TAS2R1: variants seen among roughly 807,000 people sequenced by gnomAD.
The protein encoded by TAS2R1 is taste receptor type 2 member 1.
For synonymous variants in TAS2R1, 141 were observed against 134.2 expected, an observed-to-expected ratio of 1.05 and a Z score of -0.35; for missense variants, 370 against 353.4, an observed-to-expected ratio of 1.05 and a Z score of -0.38.
At chr5:9,900,518 G>T in the TAS2R1 span, among the ~76,000 whole-genome samples, 2 of 151,906 alleles carry the variant, frequency 1.3e-5, no homozygotes, top group African/African-American at 2.4e-5. Flanking sequence ...GAAACATCCC[G>T]CCAGTGGGGC....
In TAS2R1 at chr5:9,629,029, T is replaced by A. The variant is rs1230208660; in HGVS notation, c.*104A>T. The A allele has an allele frequency of 2.5e-6, 3 of 1,197,482 alleles. No individual in the cohort carries two copies. The African/African-American group carries it at 4.5e-5, about 18-fold the overall frequency. The allele number at this position is 1,197,482 out of a possible 1,614,324, so 74.2% of individuals were successfully genotyped here. ...TGGATAAACAGGCCTGAAGGGGACA[T>A]GTTGTATATTTATGAACAGGCTGCT... On this transcript the variant is annotated 3_prime_UTR_variant, in exon 1 of 1. Coordinates refer to ENST00000382492, the MANE Select transcript of TAS2R1 (RefSeq NM_019599.3).
At chr5:9,708,653 CTT>C (rs1041655461) in intron 1 of TAS2R1, among the ~76,000 whole-genome samples, 15 of 151,826 alleles carry the variant, frequency 9.9e-5, no homozygotes, top group African/African-American at 3.4e-4. Context: ...CGCCCTCTTC[CTT>C]TCATAGTTTT....
the TAS2R1 span, among the ~76,000 whole-genome samples, chr5:9,818,863 G>C: frequency 6.6e-6 from 1 of 152,158 alleles, no homozygotes; most frequent in African/African-American, 2.4e-5. Flanking sequence ...CCGCCACACA[G>C]CCCCAACAAC....
chr5:9,894,436 C>A, the TAS2R1 span, among the ~76,000 whole-genome samples: 3 of 144,954 alleles, frequency 2.1e-5, no homozygotes, highest in Non-Finnish European at 4.6e-5. Flanking sequence ...TTTGGACACA[C>A]AAACAGAGGC....
At chr5:9,777,243 T>G in the TAS2R1 span, among the ~76,000 whole-genome samples, 1 of 152,216 alleles carries the variant, frequency 6.6e-6, no homozygotes, top group Non-Finnish European at 1.5e-5. Context: ...CCAGAGAACC[T>G]CTTTCAAAAT....
chr5:9,712,060 G>A (rs1734692984), intron 1 of TAS2R1: 1 of 139,340 alleles, frequency 7.2e-6, no homozygotes, highest in South Asian at 2.6e-4. Flanking sequence ...GGGAGGGAGG[G>A]AATAGAAAGT....
the TAS2R1 span, among the ~76,000 whole-genome samples, chr5:9,823,081 A>C: frequency 0.064 from 9,617 of 151,158 alleles, 365 homozygotes; most frequent in East Asian, 0.19. Flanking sequence ...TCCAGGACTT[A>C]TGTTTTTCAA....
chr5:9,639,291 C>T (rs570760999), intron 2 of TAS2R1, among the ~76,000 whole-genome samples: 22 of 152,268 alleles, frequency 1.4e-4, no homozygotes, highest in African/African-American at 4.6e-4. Flanking sequence ...GGAGTGCATG[C>T]AAGGTACTAC....
chr5:9,854,041 T>C, the TAS2R1 span, among the ~76,000 whole-genome samples: 4 of 152,236 alleles, frequency 2.6e-5, no homozygotes, highest in African/African-American at 9.6e-5. Flanking sequence ...CAGTGACTTA[T>C]TGTCACACAG....
In TAS2R1 at chr5:9,629,793, C is replaced by G. The variant is rs571918935; in HGVS notation, c.240G>C (p.Ala80=). 6.2e-7 allele frequency: 1 copy of G among 1,613,680 alleles called. No homozygotes were observed. Among genetic ancestry groups the G allele is most frequent in the Admixed American group, 1.7e-5 (1 of 59,940 alleles). Residue 80 remains alanine (A), a synonymous_variant, in exon 1 of 1, where the codon GCG becomes GCC. Coordinates refer to ENST00000382492, the MANE Select transcript of TAS2R1 (RefSeq NM_019599.3). ...TTATAAATAAGAGAATTGCACAATT[C>G]GCAGAACACATGATGAATTCTATGA... ...IFFIEFIMCS[A]NCAILLFINE...
the TAS2R1 span, among the ~76,000 whole-genome samples, chr5:9,741,791 G>C: frequency 6.6e-6 from 1 of 152,092 alleles, no homozygotes; most frequent in African/African-American, 2.4e-5. Context: ...CCAGTCCCAG[G>C]GTCGTGCCTT....
intron 1 of TAS2R1, among the ~76,000 whole-genome samples, chr5:9,672,276 CAAG>C (rs1740782038): frequency 6.6e-6 from 1 of 152,062 alleles, no homozygotes; most frequent in Non-Finnish European, 1.5e-5. Context: ...GCAACAAAAA[CAAG>C]AATTGACAAA....
chr5:9,753,947 G>A, the TAS2R1 span, among the ~76,000 whole-genome samples: 1 of 152,120 alleles, frequency 6.6e-6, no homozygotes, highest in Non-Finnish European at 1.5e-5. Flanking sequence ...TTTGGTCACT[G>A]TAGCCTTGTA....
the TAS2R1 span, among the ~76,000 whole-genome samples, chr5:9,764,411 T>G: frequency 7.2e-5 from 11 of 152,322 alleles, no homozygotes; most frequent in South Asian, 1.7e-3. Flanking sequence ...TTAAAATAAT[T>G]TCTGGCTAGC....
intron 1 of TAS2R1, among the ~76,000 whole-genome samples, chr5:9,690,308 A>G (rs1438946100): frequency 1.3e-5 from 2 of 152,130 alleles, no homozygotes; most frequent in Non-Finnish European, 2.9e-5. Context: ...GGAAAATCAA[A>G]TGTTGTGATT....
chr5:9,628,939 T>C lies in TAS2R1; in HGVS notation c.*194A>G, dbSNP rs769844463. The C allele has an allele frequency of 3.0e-5, 15 of 493,988 alleles. No individual in the cohort carries two copies. The highest frequency in any genetic ancestry group is 4.2e-5 in the Non-Finnish European group (12 of 288,716). The allele number at this position is 493,988 out of a possible 1,614,324, so 30.6% of individuals were successfully genotyped here. A position where few individuals can be genotyped will look rare whatever the true frequency, so the allele number is the denominator to read the frequency against. On this transcript the variant is annotated 3_prime_UTR_variant, in exon 1 of 1. Coordinates refer to ENST00000382492, the MANE Select transcript of TAS2R1 (RefSeq NM_019599.3). ...GAAATTGATGTAATCCATCAACATA[T>C]GTTGTGCTTTCAAAATCAGTTTAAC... is the stretch of plus-strand genomic sequence containing the variant.
chr5:9,698,265 T>C (rs1380296192), intron 1 of TAS2R1, among the ~76,000 whole-genome samples: 1 of 152,284 alleles, frequency 6.6e-6, no homozygotes, highest in East Asian at 1.9e-4. Context: ...CCCAATGTAT[T>C]TTTTCCTGGA....
chr5:9,744,916 C>A, the TAS2R1 span, among the ~76,000 whole-genome samples: 1 of 152,134 alleles, frequency 6.6e-6, no homozygotes, highest in Non-Finnish European at 1.5e-5. Context: ...TATAAATGTA[C>A]CTGTTCAAAG....
At chr5:9,830,466 T>C in the TAS2R1 span, among the ~76,000 whole-genome samples, 2 of 151,778 alleles carry the variant, frequency 1.3e-5, no homozygotes, top group African/African-American at 2.4e-5. Flanking sequence ...CAAAAATAGA[T>C]GACAGACACA....
Sources: allele counts gnomAD v4.1 joint callset (sites outside exome capture counted in the v4.1 genomes callset), GRCh38; gene constraint gnomAD v4.1.1; transcripts MANE v1.5; gene names NCBI Gene and HGNC (gene_info 2026-07-23, HGNC 2026-07-21).